CC2D2A: variants seen among roughly 807,000 people sequenced by gnomAD.
CC2D2A encodes the protein coiled-coil and C2 domain containing 2A, also known as coiled-coil and C2 domain-containing protein 2A.
In CC2D2A, 155 loss-of-function variants were observed where a neutral mutation model predicts 212.9. The observed-to-expected ratio is 0.73, with a 90% confidence interval of 0.64 to 0.83. The LOEUF (loss-of-function observed/expected upper bound fraction) is 0.83. Ranked by LOEUF, CC2D2A falls within the 40% of genes least tolerant of loss-of-function variation. The probability of loss-of-function intolerance (pLI) is 0.00; values close to 1 mark genes in which losing one functional copy is unlikely to be tolerated. For missense variants in CC2D2A, 1,856 were observed against 1,956.2 expected (o/e 0.95, Z 0.97); for synonymous variants, 667 against 686.5 (o/e 0.97, Z 0.44).
At chr4:15,588,343 T>C (rs1720943915) in intron 32 of CC2D2A, among the ~76,000 whole-genome samples, 1 of 152,140 alleles carries the variant, frequency 6.6e-6, no homozygotes, top group Non-Finnish European at 1.5e-5. Context: ...ACTGCTTCTA[T>C]AGGTATCTGC....
intron 13 of CC2D2A, among the ~76,000 whole-genome samples, chr4:15,531,467 CTT>C (rs1206367746): frequency 6.6e-6 from 1 of 152,136 alleles, no homozygotes; most frequent in African/African-American, 2.4e-5. Context: ...TTTTTACCCC[CTT>C]TTTTAAATTG....
At chr4:15,511,534 A>C in intron 8 of CC2D2A, 111 bp downstream of exon 8, 1 of 949,172 alleles carries the variant, frequency 1.1e-6, no homozygotes. Flanking sequence ...CACCAGGAGA[A>C]TGACACTCCA....
At chr4:15,525,776 T>G (rs1717475704) in intron 11 of CC2D2A, among the ~76,000 whole-genome samples, 1 of 152,112 alleles carries the variant, frequency 6.6e-6, no homozygotes, top group African/African-American at 2.4e-5. Context: ...GAACTAGAGG[T>G]CTTTCTCTCT....
chr4:15,570,923 T>C (rs1720137009), intron 28 of CC2D2A, among the ~76,000 whole-genome samples: 1 of 151,980 alleles, frequency 6.6e-6, no homozygotes, highest in Non-Finnish European at 1.5e-5. Flanking sequence ...AAAAAAACTT[T>C]CTTTGTGCGA....
At chr4:15,554,499 C>T (rs1719176532) in intron 19 of CC2D2A, among the ~76,000 whole-genome samples, 1 of 152,084 alleles carries the variant, frequency 6.6e-6, no homozygotes, top group African/African-American at 2.4e-5. Flanking sequence ...ATGGCAAAAC[C>T]CCATCTCTAC....
In CC2D2A at chr4:15,514,640, T is replaced by G. The variant is rs996923870; in HGVS notation, c.718-67T>G. On this transcript the variant is annotated intron_variant, in intron 8 of 36. Coordinates refer to ENST00000424120, the MANE Select transcript of CC2D2A (RefSeq NM_001378615.1). ...ATGTTAAGTTTCATGAGTTTGGTATTGTGAATTATTTTTCTAACTAAGAAT... is the reference window on the plus strand; with the variant it reads ...ATGTTAAGTTTCATGAGTTTGGTATGGTGAATTATTTTTCTAACTAAGAAT... The G allele has an allele frequency of 3.2e-6, 4 of 1,253,218 alleles. No homozygotes were observed. The Admixed American group carries it at 1.1e-4, about 33-fold the overall frequency. 77.6% of individuals were successfully genotyped at this position (1,253,218 alleles called of 1,614,324 possible).
At position 15,567,385 on chromosome 4, in the gene CC2D2A, A is replaced by G; in HGVS notation, c.3191A>G (p.Gln1064Arg). ...TACATTTTCTCTCCTAGCAAATTCC[A>G]GCAGCCGTCGAGGTCTTCAAGGATG... is the stretch of plus-strand genomic sequence containing the variant. ...PVRKPAVSKF[Q>R]QPSRSSRMFS... Residue 1064 changes from glutamine to arginine, a missense_variant, in exon 25 of 37, where the codon CAG (glutamine) becomes CGG (arginine). Around this residue, in one of 5 missense-constraint regions of CC2D2A, gnomAD observed 1,512 missense variants for 1,579.3 expected, o/e 0.96. Transcript: ENST00000424120. 6.2e-7 allele frequency: 1 copy of G among 1,612,754 alleles called. No homozygotes were observed. The highest frequency in any genetic ancestry group is 2.2e-5 in the East Asian group (1 of 44,834).
rs964452817 is a variant in CC2D2A, at chr4:15,470,726, T to G, written c.-19+669T>G. Among the ~76,000 whole-genome samples the G allele has an allele frequency of 7.8e-5, 9 of 115,222 alleles. 1 individual carries two copies. The Admixed American group carries it at 8.5e-4, about 11-fold the overall frequency. The allele number at this position is 115,222 out of a possible 152,430, so 75.6% of individuals were successfully genotyped here. A position where few individuals can be genotyped will look rare whatever the true frequency, so the allele number is the denominator to read the frequency against. ...ATATATATATATATATATATATATA[T>G]ATATATATCCTAGAGCTCACTTATA... is the stretch of plus-strand genomic sequence containing the variant. On this transcript the variant is annotated intron_variant, in intron 1 of 36. Coordinates refer to ENST00000424120, the MANE Select transcript of CC2D2A (RefSeq NM_001378615.1).
chr4:15,573,360 G>T (rs1359357770), intron 28 of CC2D2A, among the ~76,000 whole-genome samples: 1 of 151,314 alleles, frequency 6.6e-6, no homozygotes, highest in Non-Finnish European at 1.5e-5. Flanking sequence ...GCGCCATCTC[G>T]GCTCACTGCA....
In CC2D2A at chr4:15,546,024, T is replaced by A. The variant is rs562049619; in HGVS notation, c.2182-4800T>A. ...ACTTGGGAGGCTGAGGCAAGAGGAT[T>A]GCTTAAGCCTGGGAGTTTGAGGCTG... On this transcript the variant is annotated intron_variant, in intron 17 of 36. Coordinates refer to ENST00000424120, the MANE Select transcript of CC2D2A (RefSeq NM_001378615.1). Among the ~76,000 whole-genome samples, 14 of 151,926 alleles carry A rather than the reference T, an allele frequency of 9.2e-5. No individual in the cohort carries two copies. The South Asian group carries it at 2.9e-3, about 32-fold the overall frequency.
chr4:15,512,295 A>G (rs1275773200), intron 8 of CC2D2A, among the ~76,000 whole-genome samples: 1 of 152,244 alleles, frequency 6.6e-6, no homozygotes, highest in Non-Finnish European at 1.5e-5. Flanking sequence ...ACAAAAGCCA[A>G]AAGGTAGAAG....
intron 14 of CC2D2A, among the ~76,000 whole-genome samples, chr4:15,534,390 A>T (rs888749997): frequency 6.6e-6 from 1 of 152,182 alleles, no homozygotes; most frequent in African/African-American, 2.4e-5. Flanking sequence ...CCCCTGAGTC[A>T]TATAGATATT....
Position 15,481,385 on chromosome 4 carries a change from C to T in CC2D2A, c.247+558C>T, listed in dbSNP as rs368400685. 18 of 350,228 alleles carry T rather than the reference C, an allele frequency of 5.1e-5. No individual in the cohort carries two copies. The East Asian group carries it at 6.8e-4, about 13-fold the overall frequency. The allele number at this position is 350,228 out of a possible 1,614,324, so 21.7% of individuals were successfully genotyped here. Reference sequence around the variant, plus strand: ...AATTAGCCAGGCGTGGTGGCGCATGCCTGTAATCCCAGCTACTTGGGAGGC... The same window carrying T: ...AATTAGCCAGGCGTGGTGGCGCATGTCTGTAATCCCAGCTACTTGGGAGGC... On this transcript the variant is annotated intron_variant, in intron 4 of 36. Transcript: ENST00000424120.
intron 1 of CC2D2A, among the ~76,000 whole-genome samples, chr4:15,470,296 C>A (rs974578076): frequency 6.6e-6 from 1 of 152,176 alleles, no homozygotes; most frequent in Non-Finnish European, 1.5e-5. Context: ...AAGTCCAGTT[C>A]ATCACAAGTC....
Position 15,483,136 on chromosome 4 carries a change from T to C in CC2D2A, c.247+2309T>C, listed in dbSNP as rs574983545. Among the ~76,000 whole-genome samples, 4 of 152,242 alleles carry C rather than the reference T, an allele frequency of 2.6e-5. No individual in the cohort carries two copies. The South Asian group carries it at 8.3e-4, about 32-fold the overall frequency. On this transcript the variant is annotated intron_variant, in intron 4 of 36. Coordinates refer to ENST00000424120, the MANE Select transcript of CC2D2A (RefSeq NM_001378615.1). The stretch of plus-strand genomic sequence containing the variant: ...CCAGGCATCTGTCAGAAATGAGAAG[T>C]CAAAGCCAGCAGACAAAGTCAAGAG...
intron 22 of CC2D2A, 32 bp downstream of exon 22, chr4:15,559,289 G>C (rs1463916749): frequency 3.6e-6 from 5 of 1,405,348 alleles, no homozygotes; most frequent in Middle Eastern, 1.7e-4. Context: ...TGTCTTCATA[G>C]GGAGAAAAGA....
chr4:15,505,295 A>G (rs917783756), intron 6 of CC2D2A, among the ~76,000 whole-genome samples: 2 of 152,224 alleles, frequency 1.3e-5, no homozygotes, highest in Non-Finnish European at 2.9e-5. Context: ...AGGTGAACAA[A>G]TGCAAATCTC....
At position 15,589,508 on chromosome 4, in the gene CC2D2A, T is replaced by C. The variant is rs369806041; in HGVS notation, c.4180-37T>C. ...CTACTATTGGCCTTCACTGCATAAA[T>C]AGTTGAAAACTAGTTTTAATGGCCA... On this transcript the variant is annotated intron_variant, in intron 32 of 36. Transcript: ENST00000424120. 5.4e-5 allele frequency: 86 copies of C among 1,594,934 alleles called. No homozygotes were observed. In the African/African-American group the frequency reaches 1.0e-3, roughly 19 times the overall value.
At chr4:15,588,334 C>G (rs1359333741) in intron 32 of CC2D2A, among the ~76,000 whole-genome samples, 3 of 152,150 alleles carry the variant, frequency 2.0e-5, no homozygotes, top group Non-Finnish European at 4.4e-5. Context: ...TTCATGCCTA[C>G]TGCTTCTATA....
Sources: gnomAD v4.1 joint callset for allele counts (sites outside exome capture counted in the v4.1 genomes callset) on GRCh38, gnomAD v4.1.1 for gene constraint, gnomAD v4.1.1 regional missense constraint, MANE v1.5 for transcripts, NCBI Gene and HGNC (gene_info 2026-07-23, HGNC 2026-07-21) for gene names.